The following CCDC158 variants were observed in gnomAD, a reference collection of about 807,000 sequenced individuals.
CCDC158 encodes coiled-coil domain containing 158.
CCDC158 carries 116 observed loss-of-function variants against 138.6 expected under a neutral mutation model. The ratio of observed to expected loss-of-function variants is 0.84; its 90% CI spans 0.72 to 0.98. The LOEUF (loss-of-function observed/expected upper bound fraction) is 0.98, where lower values mean the gene tolerates loss of function less well. Among genes scored for constraint, CCDC158 ranks in the 50% least tolerant of loss-of-function variants. The probability of loss-of-function intolerance (pLI) is 0.00; values close to 1 mark genes in which losing one functional copy is unlikely to be tolerated. For synonymous variants in CCDC158, 436 were observed against 442.4 expected (o/e 0.99, Z 0.18); for missense variants, 1,265 against 1,306.1 (o/e 0.97, Z 0.48).
intron 1 of CCDC158, among the ~76,000 whole-genome samples, chr4:76,413,149 C>T (rs1388089800): frequency 6.6e-6 from 1 of 151,474 alleles, no homozygotes; most frequent in Non-Finnish European, 1.5e-5. Flanking sequence ...GATAAACCAC[C>T]AAGATTTTTG....
At chr4:76,351,848 ATT>A (rs1390359496) in intron 16 of CCDC158, 36 bp from the exon 17 acceptor site, 1 of 1,289,084 alleles carries the variant, frequency 7.8e-7, no homozygotes, top group Admixed American at 1.7e-5. Flanking sequence ...TTTATCTTGC[ATT>A]CTTTATGCAC....
Position 76,404,414 on chromosome 4 carries a change from A to G in CCDC158, c.-73-1134T>C, listed in dbSNP as rs538758938. Among the ~76,000 whole-genome samples, 10 of 152,338 alleles carry G rather than the reference A, an allele frequency of 6.6e-5. No individual in the cohort carries two copies. In the South Asian group the frequency reaches 2.1e-3, roughly 32 times the overall value. On this transcript the variant is annotated intron_variant, in intron 2 of 24. Transcript: ENST00000682701. ...ACATGAAGCCAAAGAAAACTGAAAC[A>G]TAATACTCCAAACTGAACCCAGTAG... is the stretch of plus-strand genomic sequence containing the variant.
intron 2 of CCDC158, among the ~76,000 whole-genome samples, chr4:76,406,608 A>C (rs1728847522): frequency 1.3e-5 from 2 of 152,150 alleles, no homozygotes; most frequent in South Asian, 4.1e-4. Context: ...GGTTTCCATA[A>C]AGTAGAAATG....
At chr4:76,365,118 A>T (rs1313810782) in intron 12 of CCDC158, among the ~76,000 whole-genome samples, 2 of 152,170 alleles carry the variant, frequency 1.3e-5, no homozygotes, top group African/African-American at 4.8e-5. Flanking sequence ...GTCCTTTCTT[A>T]GTCTTATTAT....
chr4:76,394,025 T>C (rs919775567), intron 4 of CCDC158, among the ~76,000 whole-genome samples: 2 of 152,088 alleles, frequency 1.3e-5, no homozygotes, highest in African/African-American at 4.8e-5. Flanking sequence ...TTGTACACTA[T>C]TGGTGGGAAT....
intron 15 of CCDC158, among the ~76,000 whole-genome samples, chr4:76,354,308 T>TAA (rs1723334785): frequency 7.4e-6 from 1 of 135,406 alleles, no homozygotes; most frequent in African/African-American, 2.8e-5. Context: ...GAAGAAAAAA[T>TAA]TGGAAAGAAG....
chr4:76,379,290 CT>C lies in CCDC158; in HGVS notation c.1028del (p.Lys343ArgfsTer9). ...LREAKRMYED[K>X]TEELEKQLVL... ...ACAGACCAGCAAAACCTAAACTCACCTTGTCTTCATACATCCTTTTGGCTTC... is the reference window on the plus strand; with the variant it reads ...ACAGACCAGCAAAACCTAAACTCACCTGTCTTCATACATCCTTTTGGCTTC... On this transcript the variant is annotated frameshift_variant and splice_region_variant, in exon 9 of 25. Transcript: ENST00000682701. LOFTEE classifies it high-confidence loss of function. The C allele has an allele frequency of 6.3e-7, 1 of 1,588,506 alleles. No homozygotes were observed. The highest frequency in any genetic ancestry group is 8.6e-7 in the Non-Finnish European group (1 of 1,166,074).
chr4:76,353,612 ATTTAT>A (rs1723259824), intron 15 of CCDC158, among the ~76,000 whole-genome samples: 1 of 152,242 alleles, frequency 6.6e-6, no homozygotes, highest in Admixed American at 6.5e-5. Flanking sequence ...TTTTACTAAA[ATTTAT>A]TTTAAACAAC....
intron 9 of CCDC158, among the ~76,000 whole-genome samples, chr4:76,378,172 A>G (rs1725891032): frequency 6.6e-6 from 1 of 152,184 alleles, no homozygotes; most frequent in African/African-American, 2.4e-5. Context: ...TGCGCGAGCC[A>G]AGTAGAAACA....
At chr4:76,380,652 A>C (rs891871138) in intron 8 of CCDC158, among the ~76,000 whole-genome samples, 2 of 152,228 alleles carry the variant, frequency 1.3e-5, no homozygotes, top group South Asian at 4.1e-4. Flanking sequence ...CATGTGGTAG[A>C]AAAGAAAAAC....
chr4:76,384,460 T>C lies in CCDC158; in HGVS notation c.399-45A>G, dbSNP rs1180375951. ...AAATAAATAACATTGATAAAACTCA[T>C]ATTCACACAAGTAGTTTTACTACAA... On this transcript the variant is annotated intron_variant, in intron 5 of 24. Coordinates refer to ENST00000682701, the MANE Select transcript of CCDC158 (RefSeq NM_001394954.1). 5 of 1,569,488 alleles carry C rather than the reference T, an allele frequency of 3.2e-6. No individual in the cohort carries two copies. The South Asian group carries it at 5.8e-5, about 18-fold the overall frequency.
intron 9 of CCDC158, among the ~76,000 whole-genome samples, chr4:76,374,996 T>C (rs1725582015): frequency 6.6e-6 from 1 of 152,222 alleles, no homozygotes; most frequent in South Asian, 2.1e-4. Context: ...CTGCTATAGG[T>C]CTGCTTTTAC....
Position 76,362,161 on chromosome 4 carries a change from A to G in CCDC158, c.1985T>C (p.Val662Ala). 1 of 1,613,796 alleles carries G rather than the reference A, an allele frequency of 6.2e-7. No homozygotes were observed. The highest frequency in any genetic ancestry group is 8.5e-7 in the Non-Finnish European group (1 of 1,179,934). Residue 662 changes from valine to alanine, a missense_variant, in exon 13 of 25, where the codon GTG becomes GCG. Coordinates refer to ENST00000682701, the MANE Select transcript of CCDC158 (RefSeq NM_001394954.1). ...KQERDQLLNEVKTSRSELNNL... is the reference protein window; with the variant it reads ...KQERDQLLNEAKTSRSELNNL... Reference sequence around the variant, plus strand: ...GTTTAATTCACTCCTACTTGTTTTCACCTCATTTAATAATTGATCTCTCTC... The same window carrying G: ...GTTTAATTCACTCCTACTTGTTTTCGCCTCATTTAATAATTGATCTCTCTC...
intron 3 of CCDC158, 72 bp downstream of exon 3, chr4:76,403,066 G>T: frequency 9.5e-7 from 1 of 1,049,828 alleles, no homozygotes. Context: ...AAACATACTA[G>T]AAACAGCAGC....
chr4:76,387,684 G>A (rs958772958), intron 4 of CCDC158, among the ~76,000 whole-genome samples: 2 of 152,050 alleles, frequency 1.3e-5, no homozygotes, highest in South Asian at 2.1e-4. Flanking sequence ...TTAGCCGGGC[G>A]TGGTGGTGCG....
At chr4:76,341,679 A>G (rs564187533) in intron 18 of CCDC158, among the ~76,000 whole-genome samples, 6 of 152,240 alleles carry the variant, frequency 3.9e-5, no homozygotes, top group Non-Finnish European at 8.8e-5. Context: ...ATATCAAACT[A>G]TCAGTTACAT....
chr4:76,321,650 C>G (rs1358447845), intron 24 of CCDC158, among the ~76,000 whole-genome samples: 1 of 145,866 alleles, frequency 6.9e-6, no homozygotes, highest in Non-Finnish European at 1.5e-5. Context: ...ATTCTTCCCC[C>G]ATATATATAC....
Position 76,371,517 on chromosome 4 carries a change from T to C in CCDC158, c.1049A>G (p.Gln350Arg), listed in dbSNP as rs951382425. ...YEDKTEELEK[Q>R]LVLANSELTE... is the part of the protein sequence containing the mutation. ...TAGCTCTGAGTTGGCAAGGACTAAC[T>C]GCTTTTCCAGCTCTTCTGTCTGAAA... Residue 350 changes from glutamine (Q) to arginine (R), a missense_variant, in exon 10 of 25, where the codon CAG (glutamine) becomes CGG (arginine). By Grantham distance (43) the Gln-to-Arg change is conservative. Coordinates refer to ENST00000682701, the MANE Select transcript of CCDC158 (RefSeq NM_001394954.1). 2 of 1,614,192 alleles carry C rather than the reference T, an allele frequency of 1.2e-6. No homozygotes were observed. Among genetic ancestry groups the C allele is most frequent in the Admixed American group, 1.7e-5 (1 of 60,028 alleles).
chr4:76,403,345 C>A, intron 2 of CCDC158, 65 bp from the exon 3 acceptor site: 1 of 502,008 alleles, frequency 2.0e-6, no homozygotes, highest in Non-Finnish European at 3.4e-6. Flanking sequence ...CATAGAAGAA[C>A]AGGAACTGAC....
Sources: gnomAD v4.1 joint callset for allele counts (sites outside exome capture counted in the v4.1 genomes callset) on GRCh38, gnomAD v4.1.1 for gene constraint, MANE v1.5 for transcripts, NCBI Gene and HGNC (gene_info 2026-07-23, HGNC 2026-07-21) for gene names.